RABGAP1L: variants seen among roughly 807,000 people sequenced by gnomAD.
RABGAP1L encodes the protein RAB GTPase activating protein 1 like.
In RABGAP1L, 63 loss-of-function variants were observed where a neutral mutation model predicts 137.7. The ratio of observed to expected loss-of-function variants is 0.46; its 90% CI spans 0.37 to 0.56. The LOEUF is 0.56. RABGAP1L is among the 20% of genes least tolerant of loss of function. The probability of loss-of-function intolerance (pLI) is 0.00; values close to 1 mark genes in which losing one functional copy is unlikely to be tolerated. For synonymous variants in RABGAP1L, 431 were observed against 433.7 expected (o/e 0.99, Z 0.08); for missense variants, 1,095 against 1,244.0 (o/e 0.88, Z 1.80).
intron 11 of RABGAP1L, among the ~76,000 whole-genome samples, chr1:174,307,903 A>G (rs1678455489): frequency 6.6e-6 from 1 of 152,060 alleles, no homozygotes; most frequent in South Asian, 2.1e-4. Context: ...AGTGTTTTTC[A>G]TAGTGGTTGT....
intron 13 of RABGAP1L, among the ~76,000 whole-genome samples, chr1:174,609,810 T>G (rs1010701860): frequency 6.6e-6 from 1 of 152,162 alleles, no homozygotes; most frequent in Non-Finnish European, 1.5e-5. Flanking sequence ...AGGGATTGAA[T>G]GTATCTTTAT....
At chr1:174,323,895 C>G (rs1263337808) in intron 11 of RABGAP1L, among the ~76,000 whole-genome samples, 1 of 151,996 alleles carries the variant, frequency 6.6e-6, no homozygotes, top group Non-Finnish European at 1.5e-5. Flanking sequence ...TTTTATGATC[C>G]AGTGATAATT....
chr1:174,574,493 A>G (rs1312603531), intron 13 of RABGAP1L, among the ~76,000 whole-genome samples: 1 of 152,172 alleles, frequency 6.6e-6, no homozygotes, highest in African/African-American at 2.4e-5. Flanking sequence ...ACAGATAGAA[A>G]TTTGTCTCTC....
chr1:174,901,942 T>G (rs1006965531), intron 19 of RABGAP1L, among the ~76,000 whole-genome samples: 1 of 152,226 alleles, frequency 6.6e-6, no homozygotes, highest in African/African-American at 2.4e-5. Flanking sequence ...ATCGTAGGAC[T>G]GCTGTGGTTT....
chr1:174,910,826 A>C (rs1360749369), intron 19 of RABGAP1L, among the ~76,000 whole-genome samples: 1 of 152,202 alleles, frequency 6.6e-6, no homozygotes, highest in Non-Finnish European at 1.5e-5. Context: ...CTAGGAGTGG[A>C]ATTGCTTGCT....
At chr1:174,220,899 T>C in intron 2 of RABGAP1L, 73 bp from the exon 3 acceptor site, 1 of 1,271,162 alleles carries the variant, frequency 7.9e-7, no homozygotes, top group African/African-American at 1.5e-5. Flanking sequence ...CTTCTAGAAA[T>C]GAAATACTTT....
intron 13 of RABGAP1L, among the ~76,000 whole-genome samples, chr1:174,605,267 C>G (rs1019326038): frequency 6.6e-6 from 1 of 152,208 alleles, no homozygotes; most frequent in Non-Finnish European, 1.5e-5. Context: ...TCTGATGAAG[C>G]TTTCCTAGGC....
In RABGAP1L at chr1:174,932,878, A is replaced by G. The variant is rs1573889236; in HGVS notation, c.2341-24579A>G. ...AAGCGTAACTTGCTTTTGGAAAAGC[A>G]AGATATTCCAGGCTCTTTTTGTACT... On this transcript the variant is annotated intron_variant, in intron 19 of 25. Coordinates refer to ENST00000681986, the MANE Select transcript of RABGAP1L (RefSeq NM_001366446.1). Among the ~76,000 whole-genome samples the G allele has an allele frequency of 4.6e-5, 7 of 152,306 alleles. No homozygotes were observed. In the South Asian group the frequency reaches 1.2e-3, roughly 27 times the overall value.
chr1:174,454,756 A>G (rs998997044), intron 13 of RABGAP1L, among the ~76,000 whole-genome samples: 13 of 151,716 alleles, frequency 8.6e-5, no homozygotes, highest in Non-Finnish European at 1.5e-4. Flanking sequence ...CCACCTTGTT[A>G]GTCAGGATGG....
At chr1:174,953,035 C>CAAAAAAAA (rs34788853) in intron 19 of RABGAP1L, among the ~76,000 whole-genome samples, 3 of 97,356 alleles carry the variant, frequency 3.1e-5, no homozygotes, top group Admixed American at 1.1e-4. Context: ...GGGTGGCATG[C>CAAAAAAAA]AAAAAAAAAA....
At chr1:174,580,666 A>T (rs1668676694) in intron 13 of RABGAP1L, among the ~76,000 whole-genome samples, 1 of 152,146 alleles carries the variant, frequency 6.6e-6, no homozygotes. Flanking sequence ...GCATTAGGAG[A>T]TATACCTGAT....
intron 14 of RABGAP1L, among the ~76,000 whole-genome samples, chr1:174,644,791 G>A (rs1375672257): frequency 2.6e-5 from 4 of 152,058 alleles, no homozygotes; most frequent in African/African-American, 9.7e-5. Flanking sequence ...TATAAGTGAA[G>A]CCTCCTCTTC....
intron 17 of RABGAP1L, among the ~76,000 whole-genome samples, chr1:174,720,290 T>TAGACAGATAGAC (rs1681407592): frequency 2.8e-5 from 4 of 141,678 alleles, no homozygotes; most frequent in African/African-American, 1.1e-4. Context: ...GATAGATAGA[T>TAGACAGATAGAC]AGACAGACAG....
At chr1:174,346,562 A>C (rs1682447556) in intron 11 of RABGAP1L, among the ~76,000 whole-genome samples, 1 of 152,108 alleles carries the variant, frequency 6.6e-6, no homozygotes, top group African/African-American at 2.4e-5. Context: ...ATAATTCTTC[A>C]AATATCTGCA....
chr1:174,545,986 G>A (rs1383811538), intron 13 of RABGAP1L: 1 of 152,084 alleles, frequency 6.6e-6, no homozygotes, highest in African/African-American at 2.4e-5. Flanking sequence ...AAAGTAGAAA[G>A]TTTTAAGTAG....
intron 1 of RABGAP1L, among the ~76,000 whole-genome samples, chr1:174,176,741 A>AAAAAAAAAAAATAAAATAAAATAAAAT (rs755688394): frequency 2.7e-5 from 3 of 111,778 alleles, no homozygotes; most frequent in African/African-American, 7.1e-5. Context: ...AAAAAAAAAA[A>AAAAAAAAAAAATAAAATAAAATAAAAT]AAAAAGGTCA....
chr1:174,409,866 T>C (rs1649711214), intron 13 of RABGAP1L, among the ~76,000 whole-genome samples: 1 of 152,170 alleles, frequency 6.6e-6, no homozygotes, highest in African/African-American at 2.4e-5. Context: ...AACCCTGTTT[T>C]CTGTTGTTTA....
At chr1:174,908,398 A>G (rs1003875833) in intron 19 of RABGAP1L, among the ~76,000 whole-genome samples, 4 of 152,182 alleles carry the variant, frequency 2.6e-5, no homozygotes, top group African/African-American at 9.7e-5. Flanking sequence ...CATATCTTAG[A>G]CCACAAAACA....
At chr1:174,565,260 C>G (rs1667495381) in intron 13 of RABGAP1L, among the ~76,000 whole-genome samples, 1 of 152,138 alleles carries the variant, frequency 6.6e-6, no homozygotes, top group South Asian at 2.1e-4. Flanking sequence ...CAGATGTCTT[C>G]TACTCTTAAG....
Sources: gnomAD v4.1 joint callset for allele counts (sites outside exome capture counted in the v4.1 genomes callset) on GRCh38, gnomAD v4.1.1 for gene constraint, MANE v1.5 for transcripts, NCBI Gene and HGNC (gene_info 2026-07-23, HGNC 2026-07-21) for gene names.